BRINP3: variants seen among roughly 807,000 people sequenced by gnomAD.
The protein encoded by BRINP3 is BMP/retinoic acid inducible neural specific 3.
In BRINP3, 19 loss-of-function variants were observed where a neutral mutation model predicts 71.0. That is an observed-to-expected ratio of 0.27 (90% confidence interval 0.19 to 0.39). The LOEUF is 0.39. Ranked by LOEUF, BRINP3 falls within the 10% of genes least tolerant of loss-of-function variation. The probability of loss-of-function intolerance (pLI) is 1.00; values close to 1 mark genes in which losing one functional copy is unlikely to be tolerated. For missense variants in BRINP3, 959 were observed against 940.8 expected (o/e 1.02, Z -0.25); for synonymous variants, 380 against 337.7 (o/e 1.13, Z -1.37).
chr1:190,325,063 C>A (rs1049183189), intron 2 of BRINP3, among the ~76,000 whole-genome samples: 1 of 151,730 alleles, frequency 6.6e-6, no homozygotes, highest in Non-Finnish European at 1.5e-5. Flanking sequence ...AAATAATCGG[C>A]AGCATAGTAG....
chr1:190,440,667 A>G (rs977868717), intron 2 of BRINP3, among the ~76,000 whole-genome samples: 3 of 152,018 alleles, frequency 2.0e-5, no homozygotes, highest in African/African-American at 7.2e-5. Flanking sequence ...TAAAAGCATG[A>G]AACCTCAGTT....
At chr1:190,296,182 T>C (rs913821939) in intron 2 of BRINP3, among the ~76,000 whole-genome samples, 1 of 151,780 alleles carries the variant, frequency 6.6e-6, no homozygotes, top group African/African-American at 2.4e-5. Context: ...CAGTTTCATG[T>C]TATATTTAAG....
intron 2 of BRINP3, among the ~76,000 whole-genome samples, chr1:190,430,664 C>T (rs1274003627): frequency 1.3e-5 from 2 of 152,152 alleles, no homozygotes; most frequent in East Asian, 1.9e-4. Flanking sequence ...TGTGCAACTT[C>T]AACTATTATA....
intron 2 of BRINP3, among the ~76,000 whole-genome samples, chr1:190,406,713 G>A (rs1176758901): frequency 1.3e-5 from 2 of 151,844 alleles, no homozygotes; most frequent in African/African-American, 4.8e-5. Flanking sequence ...CTGTTAAGCA[G>A]GAAAAAATAA....
At chr1:190,427,669 G>A (rs1042465825) in intron 2 of BRINP3, among the ~76,000 whole-genome samples, 1 of 151,982 alleles carries the variant, frequency 6.6e-6, no homozygotes, top group African/African-American at 2.4e-5. Context: ...CCTCAAGAAG[G>A]AGTGCAGCCT....
intron 6 of BRINP3, among the ~76,000 whole-genome samples, chr1:190,211,961 A>C (rs1188237695): frequency 6.6e-6 from 1 of 152,136 alleles, no homozygotes; most frequent in Non-Finnish European, 1.5e-5. Context: ...TTTGCATAAC[A>C]ATCTTGGAGC....
At chr1:190,255,267 G>T (rs1440802437) in intron 4 of BRINP3, among the ~76,000 whole-genome samples, 2 of 149,454 alleles carry the variant, frequency 1.3e-5, no homozygotes, top group Non-Finnish European at 3.0e-5. Context: ...GTCTCTGTCA[G>T]GCTTTGGTAT....
intron 6 of BRINP3, among the ~76,000 whole-genome samples, chr1:190,208,912 A>G (rs1655749296): frequency 6.6e-6 from 1 of 152,152 alleles, no homozygotes; most frequent in Non-Finnish European, 1.5e-5. Context: ...AAAAAAAAAT[A>G]CAATCATAAC....
intron 7 of BRINP3, among the ~76,000 whole-genome samples, chr1:190,158,919 G>C (rs1295035653): frequency 6.6e-6 from 1 of 151,644 alleles, no homozygotes; most frequent in Non-Finnish European, 1.5e-5. Context: ...CTAGGAAACT[G>C]AAAAGACACC....
intron 7 of BRINP3, among the ~76,000 whole-genome samples, chr1:190,120,528 C>G (rs1235744036): frequency 6.6e-6 from 1 of 152,006 alleles, no homozygotes; most frequent in East Asian, 1.9e-4. Flanking sequence ...TTGTGTCTCA[C>G]TCTGTTGCCC....
intron 2 of BRINP3, among the ~76,000 whole-genome samples, chr1:190,403,171 G>A (rs1207999221): frequency 6.6e-6 from 1 of 151,972 alleles, no homozygotes; most frequent in Non-Finnish European, 1.5e-5. Flanking sequence ...CTGAACCAAC[G>A]AATACACCAA....
chr1:190,180,303 A>G (rs1652916560), intron 6 of BRINP3, among the ~76,000 whole-genome samples: 1 of 152,098 alleles, frequency 6.6e-6, no homozygotes, highest in Admixed American at 6.6e-5. Context: ...GGTGTATCCA[A>G]ATTCAGAATC....
intron 6 of BRINP3, among the ~76,000 whole-genome samples, chr1:190,168,776 G>A (rs1272752809): frequency 1.3e-5 from 2 of 152,060 alleles, no homozygotes. Flanking sequence ...TCAAAATGTT[G>A]GCTAAAGCTT....
intron 2 of BRINP3, among the ~76,000 whole-genome samples, chr1:190,285,727 T>C (rs1251628179): frequency 6.6e-6 from 1 of 152,006 alleles, no homozygotes; most frequent in Non-Finnish European, 1.5e-5. Flanking sequence ...AGGGTTTGTT[T>C]TTTTTTTCCT....
At chr1:190,363,502 T>C (rs1337897109) in intron 2 of BRINP3, among the ~76,000 whole-genome samples, 1 of 152,146 alleles carries the variant, frequency 6.6e-6, no homozygotes, top group East Asian at 1.9e-4. Context: ...AAGATTGAAT[T>C]TTCATGAATC....
chr1:190,408,192 T>C (rs989968813), intron 2 of BRINP3, among the ~76,000 whole-genome samples: 6 of 11,122 alleles, frequency 5.4e-4, no homozygotes, highest in African/African-American at 7.6e-4. Context: ...TGGCTAATTA[T>C]TTATTTATTT....
intron 6 of BRINP3, among the ~76,000 whole-genome samples, chr1:190,173,796 TC>T (rs1652243789): frequency 6.6e-6 from 1 of 152,122 alleles, no homozygotes; most frequent in South Asian, 2.1e-4. Context: ...ATAACTATTT[TC>T]CCCCCAATTT....
At chr1:190,356,621 T>C (rs1380126578) in intron 2 of BRINP3, among the ~76,000 whole-genome samples, 1 of 151,984 alleles carries the variant, frequency 6.6e-6, no homozygotes, top group Non-Finnish European at 1.5e-5. Flanking sequence ...TCAGACCTCC[T>C]GCCTCTCTTT....
chr1:190,386,921 G>C (rs1670948372), intron 2 of BRINP3, among the ~76,000 whole-genome samples: 2 of 151,854 alleles, frequency 1.3e-5, no homozygotes, highest in Non-Finnish European at 2.9e-5. Flanking sequence ...ATTTTAAAGT[G>C]AGAAAAAATC....
Sources: allele counts gnomAD v4.1 joint callset (sites outside exome capture counted in the v4.1 genomes callset), GRCh38; gene constraint gnomAD v4.1.1; transcripts MANE v1.5; gene names NCBI Gene and HGNC (gene_info 2026-07-23, HGNC 2026-07-21).